The following POU2F3 variants were observed in gnomAD, a reference collection of about 807,000 sequenced individuals.
POU2F3 encodes the protein POU domain, class 2, transcription factor 3.
POU2F3 carries 23 observed loss-of-function variants against 59.2 expected under a neutral mutation model. The observed-to-expected ratio is 0.39, with a 90% confidence interval of 0.28 to 0.55. The LOEUF is 0.55. POU2F3 is among the 20% of genes least tolerant of loss of function. The pLI is 0.66. For missense variants in POU2F3, 473 were observed against 544.5 expected (o/e 0.87, Z 1.31); for synonymous variants, 190 against 214.6 (o/e 0.89, Z 1.00).
rs1940746537 is a variant in POU2F3 at position 120,285,505 on chromosome 11, T to G, written c.133-12760T>G. Among the ~76,000 whole-genome samples, 1 of 152,210 alleles carries G rather than the reference T, an allele frequency of 6.6e-6. No individual in the cohort carries two copies. On this transcript the variant is annotated intron_variant, in intron 3 of 12. Coordinates refer to ENST00000543440, the MANE Select transcript of POU2F3 (RefSeq NM_014352.4). The surrounding 1 kb of genome is among the most constrained non-coding windows in gnomAD (Gnocchi z 4.3). ...TATCCTGGATCTGTAAACGATTCCA[T>G]ATGTTATGCTGCTGAATGCCTTCCT... is the stretch of plus-strand genomic sequence containing the variant.
At chr11:120,309,010 G>A (rs1462637044) in intron 9 of POU2F3, among the ~76,000 whole-genome samples, 1 of 128,172 alleles carries the variant, frequency 7.8e-6, no homozygotes, top group Non-Finnish European at 1.6e-5. Flanking sequence ...CAGGTAATAA[G>A]GAAGAACACA....
chr11:120,240,460 G>A, intron 1 of POU2F3, 89 bp downstream of exon 1: 5 of 1,270,664 alleles, frequency 3.9e-6, no homozygotes, highest in Non-Finnish European at 5.0e-6. Flanking sequence ...TAGGGAGGGG[G>A]GCTTGTTTCC....
intron 10 of POU2F3, among the ~76,000 whole-genome samples, chr11:120,314,797 T>C (rs982487753): frequency 6.6e-6 from 1 of 152,190 alleles, no homozygotes; most frequent in African/African-American, 2.4e-5. Flanking sequence ...GATGATGCTA[T>C]GAGGTCTCCA....
At chr11:120,293,784 A>G (rs1175907799) in intron 3 of POU2F3, among the ~76,000 whole-genome samples, 1 of 152,108 alleles carries the variant, frequency 6.6e-6, no homozygotes, top group African/African-American at 2.4e-5. Context: ...CCCAAAACAG[A>G]TGGTCAGTAA....
chr11:120,240,478 C>G, intron 1 of POU2F3, 107 bp downstream of exon 1: 1 of 1,251,420 alleles, frequency 8.0e-7, no homozygotes, highest in Admixed American at 4.0e-5. Context: ...TCCCAGCGGC[C>G]AGGAGAGGGC....
chr11:120,260,393 G>A (rs368821703), intron 2 of POU2F3, among the ~76,000 whole-genome samples: 1 of 152,220 alleles, frequency 6.6e-6, no homozygotes, highest in African/African-American at 2.4e-5. Flanking sequence ...GGGCATCCAC[G>A]GTGTCCACAG....
At chr11:120,269,535 C>T (rs1939974184) in intron 3 of POU2F3, among the ~76,000 whole-genome samples, 1 of 152,180 alleles carries the variant, frequency 6.6e-6, no homozygotes, top group African/African-American at 2.4e-5. Context: ...CTTTTCCTGT[C>T]AATGCTTAGC....
chr11:120,315,547 A>G, intron 11 of POU2F3, 120 bp downstream of exon 11: 1 of 962,856 alleles, frequency 1.0e-6, no homozygotes, highest in Non-Finnish European at 1.6e-6. Context: ...GGATATTAAA[A>G]TCTGTGTTGG....
rs1675434987 is a variant in POU2F3 at position 120,317,364 on chromosome 11, G to A, written c.1271G>A (p.Gly424Glu). The A allele has an allele frequency of 4.3e-6, 7 of 1,614,106 alleles. No homozygotes were observed. Among genetic ancestry groups the A allele is most frequent in the Middle Eastern group, 1.7e-4 (1 of 6,054 alleles). The change falls in exon 12 of 13, where the codon GGA becomes GAA. Residue 424 changes from glycine to glutamate, a missense_variant and splice_region_variant. Transcript: ENST00000543440. The stretch of plus-strand genomic sequence containing the variant: ...TCCGCCTCCAGTTTTAACTCTTCAG[G>A]GTAAGGTGAAGGGGACGGTGCAGAG... Reference protein sequence around the residue: ...VNSASSFNSSGSWYRWNHSTY... With the variant: ...VNSASSFNSSESWYRWNHSTY...
intron 4 of POU2F3, among the ~76,000 whole-genome samples, chr11:120,299,306 C>G (rs1433299155): frequency 6.6e-6 from 1 of 152,144 alleles, no homozygotes; most frequent in Non-Finnish European, 1.5e-5. Flanking sequence ...TGGGTCATAC[C>G]CAGGCTTTGC....
At chr11:120,301,080 A>T (rs1941334885) in intron 5 of POU2F3, 1 of 456,184 alleles carries the variant, frequency 2.2e-6, no homozygotes, top group Non-Finnish European at 4.4e-6. Context: ...CCAGGCTTAT[A>T]ACCACCTAGG....
chr11:120,275,149 G>A (rs1001688541), intron 3 of POU2F3, among the ~76,000 whole-genome samples: 2 of 152,212 alleles, frequency 1.3e-5, no homozygotes, highest in Non-Finnish European at 2.9e-5. Context: ...GTGATAAAGA[G>A]ATGGAGGTGT....
At chr11:120,272,454 G>A (rs576083914) in intron 3 of POU2F3, among the ~76,000 whole-genome samples, 7 of 152,334 alleles carry the variant, frequency 4.6e-5, no homozygotes, top group African/African-American at 1.7e-4. Flanking sequence ...ATGGGAGGTA[G>A]AAGGAGTAGG....
At chr11:120,273,233 A>G (rs1940154459) in intron 3 of POU2F3, among the ~76,000 whole-genome samples, 1 of 152,206 alleles carries the variant, frequency 6.6e-6, no homozygotes, top group South Asian at 2.1e-4. Flanking sequence ...TGGATCTAGG[A>G]CCATCCATTC....
intron 2 of POU2F3, among the ~76,000 whole-genome samples, chr11:120,262,398 A>G (rs2155808): frequency 1.3e-5 from 2 of 152,068 alleles, no homozygotes; most frequent in Non-Finnish European, 2.9e-5. Flanking sequence ...TGAGCCCCCA[A>G]GCACTCATCA....
intron 2 of POU2F3, among the ~76,000 whole-genome samples, chr11:120,262,868 A>C (rs1228254587): frequency 2.6e-5 from 4 of 152,284 alleles, no homozygotes; most frequent in African/African-American, 9.6e-5. Context: ...TTCCCTAATA[A>C]AACTTTTGGT....
chr11:120,288,290 T>C (rs543632490), intron 3 of POU2F3, among the ~76,000 whole-genome samples: 5 of 152,266 alleles, frequency 3.3e-5, no homozygotes, highest in African/African-American at 1.2e-4. Context: ...CTTTCAGGTA[T>C]GCTTTAAGAC....
intron 2 of POU2F3, among the ~76,000 whole-genome samples, chr11:120,263,888 A>C (rs1023996607): frequency 6.6e-6 from 1 of 152,084 alleles, no homozygotes; most frequent in Admixed American, 6.5e-5. Context: ...TCTGAATAGG[A>C]GGTTAGTTTA....
chr11:120,269,912 G>A lies in POU2F3; in HGVS notation c.132+668G>A, dbSNP rs1002578833. 3.9e-5 allele frequency among the ~76,000 whole-genome samples: 6 copies of A among 152,242 alleles called. 1 individual carries two copies. Among genetic ancestry groups the A allele is most frequent in the Admixed American group, 3.9e-4 (6 of 15,294 alleles). ...GGACTTGCCCTTGAGGTTGGAGGCT[G>A]ATGGGAAGATGGCGGGGTGGGAGGT... On this transcript the variant is annotated intron_variant, in intron 3 of 12. Coordinates refer to ENST00000543440, the MANE Select transcript of POU2F3 (RefSeq NM_014352.4).
Sources: gnomAD v4.1 joint callset for allele counts (sites outside exome capture counted in the v4.1 genomes callset) on GRCh38, gnomAD v4.1.1 for gene constraint, Gnocchi (gnomAD v3.1) non-coding constraint, MANE v1.5 for transcripts, NCBI Gene and HGNC (gene_info 2026-07-23, HGNC 2026-07-21) for gene names.